Variants in PPM1H observed in about 807,000 individuals in gnomAD.
PPM1H encodes the protein protein phosphatase 1H.
A neutral mutation model predicts 54.9 loss-of-function variants in PPM1H; 27 were observed. That is an observed-to-expected ratio of 0.49 (90% CI 0.36 to 0.68). The LOEUF (loss-of-function observed/expected upper bound fraction) is 0.68, where lower values mean the gene tolerates loss of function less well. PPM1H is among the 30% of genes least tolerant of loss of function. The pLI is 0.00. For synonymous variants in PPM1H, 305 were observed against 270.8 expected, an observed-to-expected ratio of 1.13 and a Z score of -1.24; for missense variants, 596 against 667.8, an observed-to-expected ratio of 0.89 and a Z score of 1.19.
At chr12:62,932,027 C>T (rs1872153076) in intron 1 of PPM1H, among the ~76,000 whole-genome samples, 1 of 150,528 alleles carries the variant, frequency 6.6e-6, no homozygotes, top group Admixed American at 6.6e-5. Flanking sequence ...ATCACCCAAA[C>T]ATTGAACCCT....
At chr12:62,683,032 AT>A (rs201636860) in intron 8 of PPM1H, among the ~76,000 whole-genome samples, 43 of 126,356 alleles carry the variant, frequency 3.4e-4, no homozygotes, top group South Asian at 7.8e-4. Context: ...AGAGTTTATT[AT>A]TTATTATTAT....
At chr12:62,930,335 G>T (rs1872094449) in intron 1 of PPM1H, among the ~76,000 whole-genome samples, 1 of 151,912 alleles carries the variant, frequency 6.6e-6, no homozygotes, top group Non-Finnish European at 1.5e-5. Context: ...ACTTTTATAA[G>T]AAATAGGAAA....
intron 1 of PPM1H, among the ~76,000 whole-genome samples, chr12:62,894,563 G>A (rs11615624): frequency 0.098 from 14,961 of 152,138 alleles, 1,244 homozygotes; most frequent in East Asian, 0.45. Context: ...TAGCTGTTCC[G>A]TGTCCTCATC....
intron 2 of PPM1H, among the ~76,000 whole-genome samples, chr12:62,814,332 G>A (rs990596621): frequency 6.6e-6 from 1 of 151,650 alleles, no homozygotes; most frequent in Admixed American, 6.6e-5. Context: ...ATCCTCCCAC[G>A]TTGGCCGCCC....
At position 62,830,952 on chromosome 12, in the gene PPM1H, C is replaced by T. The variant is rs548438096; in HGVS notation, c.411+1162G>A. On this transcript the variant is annotated intron_variant, in intron 2 of 9. Coordinates refer to ENST00000228705, the MANE Select transcript of PPM1H (RefSeq NM_020700.2). ...CACTGCAAGCTCTGCCTCCTGGGTT[C>T]ACGCCATTCTCCTGCCTCAGCCTCC... Among the ~76,000 whole-genome samples the T allele has an allele frequency of 4.5e-3, 680 of 152,160 alleles. 6 individuals carry two copies. Among genetic ancestry groups the T allele is most frequent in the African/African-American group, 0.016 (656 of 41,530 alleles).
At chr12:62,930,747 C>T (rs1872109016) in intron 1 of PPM1H, among the ~76,000 whole-genome samples, 2 of 152,206 alleles carry the variant, frequency 1.3e-5, no homozygotes, top group Non-Finnish European at 2.9e-5. Flanking sequence ...AATGAGCAAA[C>T]CAAACAGGCT....
intron 2 of PPM1H, among the ~76,000 whole-genome samples, chr12:62,830,709 G>T (rs1220949852): frequency 6.6e-6 from 1 of 152,150 alleles, no homozygotes; most frequent in African/African-American, 2.4e-5. Context: ...CCTCAGCTCT[G>T]GTTGTTTGGA....
At chr12:62,758,689 A>G (rs12833197) in intron 4 of PPM1H, among the ~76,000 whole-genome samples, 35,447 of 152,038 alleles carry the variant, frequency 0.23, 4,194 homozygotes, top group East Asian at 0.35. Flanking sequence ...GGAGCATCTA[A>G]CCCAAGACAG....
intron 1 of PPM1H, among the ~76,000 whole-genome samples, chr12:62,906,122 A>G (rs1381949612): frequency 6.6e-6 from 1 of 152,244 alleles, no homozygotes. Context: ...TAACTAGATC[A>G]GTTATCAGCT....
At chr12:62,840,832 C>T (rs1868718146) in intron 1 of PPM1H, among the ~76,000 whole-genome samples, 1 of 152,186 alleles carries the variant, frequency 6.6e-6, no homozygotes, top group South Asian at 2.1e-4. Flanking sequence ...GATATGATCA[C>T]AGTTACTTTA....
At chr12:62,904,947 C>A (rs190493775) in intron 1 of PPM1H, among the ~76,000 whole-genome samples, 1 of 152,076 alleles carries the variant, frequency 6.6e-6, no homozygotes, top group Non-Finnish European at 1.5e-5. Flanking sequence ...CCTTTTCCCA[C>A]GCCAGCAGCA....
chr12:62,807,582 C>T (rs2076812231), intron 2 of PPM1H, among the ~76,000 whole-genome samples: 1 of 151,858 alleles, frequency 6.6e-6, no homozygotes, highest in South Asian at 2.1e-4. Flanking sequence ...AGCTGGTTGT[C>T]CCTTTTGCTT....
intron 6 of PPM1H, among the ~76,000 whole-genome samples, chr12:62,700,540 C>T (rs2076138509): frequency 6.6e-6 from 1 of 152,162 alleles, no homozygotes; most frequent in Non-Finnish European, 1.5e-5. Context: ...CAAATACTGT[C>T]ATCTCTACCT....
intron 4 of PPM1H, among the ~76,000 whole-genome samples, chr12:62,774,958 T>C (rs1337526262): frequency 6.6e-6 from 1 of 152,190 alleles, no homozygotes; most frequent in Non-Finnish European, 1.5e-5. Context: ...TTCACTTCCC[T>C]TATCAGTAAA....
chr12:62,767,321 C>T (rs2076550064), intron 4 of PPM1H, among the ~76,000 whole-genome samples: 1 of 152,066 alleles, frequency 6.6e-6, no homozygotes, highest in Admixed American at 6.6e-5. Flanking sequence ...GAAGAGGTTC[C>T]ACCAGTGAAG....
At chr12:62,699,895 T>C (rs1470614498) in intron 6 of PPM1H, among the ~76,000 whole-genome samples, 1 of 152,236 alleles carries the variant, frequency 6.6e-6, no homozygotes, top group Non-Finnish European at 1.5e-5. Flanking sequence ...TTATTGAACC[T>C]AAGCTGGCTC....
chr12:62,848,778 T>G (rs1592633831), intron 1 of PPM1H, among the ~76,000 whole-genome samples: 1 of 152,136 alleles, frequency 6.6e-6, no homozygotes, highest in Middle Eastern at 3.4e-3. Context: ...AATCCACTGG[T>G]GGTGGCTGGT....
intron 1 of PPM1H, among the ~76,000 whole-genome samples, chr12:62,875,924 A>T (rs770589560): frequency 6.6e-6 from 1 of 152,194 alleles, no homozygotes; most frequent in Non-Finnish European, 1.5e-5. Flanking sequence ...GGATTGAACA[A>T]CTTGGAGAAC....
At chr12:62,881,801 A>T (rs940559312) in intron 1 of PPM1H, among the ~76,000 whole-genome samples, 2 of 152,198 alleles carry the variant, frequency 1.3e-5, no homozygotes, top group Non-Finnish European at 2.9e-5. Flanking sequence ...CCTTAGTTCC[A>T]GCTGCCATCG....
Sources: gnomAD v4.1 joint callset for allele counts (sites outside exome capture counted in the v4.1 genomes callset) on GRCh38, gnomAD v4.1.1 for gene constraint, MANE v1.5 for transcripts, NCBI Gene and HGNC (gene_info 2026-07-23, HGNC 2026-07-21) for gene names.